Variants in ACACA observed in about 807,000 individuals in gnomAD.
ACACA encodes the protein acetyl-CoA carboxylase 1.
A neutral mutation model predicts 296.1 loss-of-function variants in ACACA; 103 were observed. The ratio of observed to expected loss-of-function variants is 0.35; its 90% confidence interval spans 0.30 to 0.41. The LOEUF is 0.41. ACACA is among the 10% of genes least tolerant of loss of function. The pLI is 1.00. For synonymous variants in ACACA, 953 were observed against 1,038.6 expected, an observed-to-expected ratio of 0.92 and a Z score of 1.58; for missense variants, 1,554 against 2,989.7, an observed-to-expected ratio of 0.52 and a Z score of 11.20.
chr17:37,182,197 T>A (rs538625615), intron 39 of ACACA, among the ~76,000 whole-genome samples: 4 of 152,234 alleles, frequency 2.6e-5, no homozygotes. Flanking sequence ...ACTTCATAAG[T>A]ATTACTAGCT....
intron 5 of ACACA, among the ~76,000 whole-genome samples, chr17:37,278,751 T>C (rs542904107): frequency 6.6e-6 from 1 of 152,332 alleles, no homozygotes; most frequent in Non-Finnish European, 1.5e-5. Context: ...AAATGATGGC[T>C]TGGAGGAGTT....
intron 25 of ACACA, among the ~76,000 whole-genome samples, chr17:37,231,486 TATTCA>T (rs2145806977): frequency 6.6e-6 from 1 of 152,340 alleles, no homozygotes; most frequent in South Asian, 2.1e-4. Context: ...ATATCACCCT[TATTCA>T]GTGAATGTGG....
intron 3 of ACACA, among the ~76,000 whole-genome samples, chr17:37,290,209 G>A (rs908363359): frequency 7.2e-5 from 11 of 152,056 alleles, no homozygotes; most frequent in Non-Finnish European, 1.5e-5. Context: ...CACCACGCTC[G>A]ACTAATTTTT....
In ACACA at chr17:37,330,269, T is replaced by C. The variant is rs980360196; in HGVS notation, c.242A>G (p.Glu81Gly). ...SNLVKLDLLEEKEGSLSPASV... is the reference protein window; with the variant it reads ...SNLVKLDLLEGKEGSLSPASV... ...AGCAGGTGACAAGGAGCCCTCCTTC[T>C]CCTCCAGTAGGTCCAACTTCACCAG... The change falls in exon 3 of 56, where the codon GAG (glutamate) becomes GGG (glycine). Residue 81 changes from glutamate (E) to glycine (G), a missense_variant. Physicochemically the swap from Glu to Gly is moderately conservative, Grantham distance 98 (BLOSUM62 -2). This residue lies in a region of ACACA where 140 missense variants were observed against 147.7 expected (regional missense o/e 0.95). Transcript: ENST00000616317. 6 of 1,614,076 alleles carry C rather than the reference T, an allele frequency of 3.7e-6. No homozygotes were observed. The highest frequency in any genetic ancestry group is 5.1e-6 in the Non-Finnish European group (6 of 1,180,042).
intron 35 of ACACA, among the ~76,000 whole-genome samples, chr17:37,198,554 G>C (rs888714599): frequency 2.6e-5 from 4 of 152,218 alleles, no homozygotes; most frequent in Admixed American, 2.6e-4. Context: ...CTAAGCTCCT[G>C]ATTTTTCTTC....
chr17:37,350,806 T>C (rs2048864625), intron 1 of ACACA, among the ~76,000 whole-genome samples: 1 of 151,316 alleles, frequency 6.6e-6, no homozygotes. Context: ...GCCATTGTAC[T>C]CCAACGTACA....
chr17:37,374,552 G>T (rs545860809), intron 1 of ACACA, among the ~76,000 whole-genome samples: 1 of 152,274 alleles, frequency 6.6e-6, no homozygotes, highest in East Asian at 1.9e-4. Context: ...CACCCAAAGT[G>T]CTGGGATTAC....
chr17:37,366,533 A>AT (rs1014884261), intron 1 of ACACA, among the ~76,000 whole-genome samples: 1 of 149,912 alleles, frequency 6.7e-6, no homozygotes, highest in African/African-American at 2.5e-5. Flanking sequence ...CAGTGGCACG[A>AT]TATCAGCTCA....
chr17:37,151,322 A>T lies in ACACA; in HGVS notation c.5547T>A (p.Asn1849Lys). 1 of 1,614,042 alleles carries T rather than the reference A, an allele frequency of 6.2e-7. No individual in the cohort carries two copies. Among genetic ancestry groups the T allele is most frequent in the Non-Finnish European group, 8.5e-7 (1 of 1,179,968 alleles). Reference protein sequence around the residue: ...MIAGESSLAYNEIITISLVTC... With the variant: ...MIAGESSLAYKEIITISLVTC... ...TTACCAGGCTGATGGTAATGATCTC[A>T]TTATAGGCCAATGAGGATTCTCCAG... Residue 1849 changes from asparagine (N) to lysine (K), a missense_variant, in exon 44 of 56, where the codon AAT becomes AAA. Physicochemically the swap from Asn to Lys is moderately conservative, Grantham distance 94. This residue lies in a region of ACACA where 553 missense variants were observed against 1,043.6 expected (regional missense o/e 0.53). Transcript: ENST00000616317.
chr17:37,389,121 C>T, intron 1 of ACACA: 1 of 1,269,790 alleles, frequency 7.9e-7, no homozygotes, highest in Non-Finnish European at 1.1e-6. Flanking sequence ...AAGGATAGGT[C>T]CAATAGGACT....
At chr17:37,351,760 C>T (rs563072926) in intron 1 of ACACA, among the ~76,000 whole-genome samples, 2 of 152,232 alleles carry the variant, frequency 1.3e-5, no homozygotes, top group African/African-American at 2.4e-5. Context: ...GCTATGTTAA[C>T]GAGGCTGGTC....
intron 1 of ACACA, among the ~76,000 whole-genome samples, chr17:37,340,260 G>T (rs1360292419): frequency 6.6e-6 from 1 of 152,212 alleles, no homozygotes; most frequent in Admixed American, 6.5e-5. Flanking sequence ...TACACACAAA[G>T]ATTGGGAGCC....
At position 37,379,345 on chromosome 17, in the gene ACACA, A is replaced by G. The variant is rs528752925; in HGVS notation, c.38+26917T>C. On this transcript the variant is annotated intron_variant, in intron 1 of 55. Transcript: ENST00000616317. ...CCTCAAGCTGTCACCTAATCCCCAC[A>G]TCCAAGTTTCAGACTGGATCTCTTC... 73 of 1,613,948 alleles carry G rather than the reference A, an allele frequency of 4.5e-5. No homozygotes were observed. The East Asian group carries it at 1.4e-3, about 32-fold the overall frequency.
rs1189073560 is a variant in ACACA, at chr17:37,085,034, GA to G, written c.*2281del. The G allele has an allele frequency of 2.6e-5, 4 of 152,724 alleles. No individual in the cohort carries two copies. The highest frequency in any genetic ancestry group is 5.9e-5 in the Non-Finnish European group (4 of 68,076). 9.5% of individuals were successfully genotyped at this position (152,724 alleles called of 1,614,324 possible). On this transcript the variant is annotated 3_prime_UTR_variant, in exon 56 of 56. Transcript: ENST00000616317. ...GGTTTATTTCAACAAAATGTGTAAA[GA>G]GTGCATCTGAAGCTCCTGCTCATCA...
rs73982264 is a variant in ACACA, at chr17:37,199,882, A to T, written c.4158+257T>A. Among the ~76,000 whole-genome samples the T allele has an allele frequency of 8.5e-3, 1,293 of 151,632 alleles. 12 individuals carry two copies. The highest frequency in any genetic ancestry group is 0.021 in the African/African-American group (865 of 41,384). Reference sequence around the variant, plus strand: ...ACACTTGATATAAGAATTAAAAAAAATTTTTTTTTAATTAATAGAGGACTG... The same window carrying T: ...ACACTTGATATAAGAATTAAAAAAATTTTTTTTTTAATTAATAGAGGACTG... On this transcript the variant is annotated intron_variant, in intron 35 of 55. Coordinates refer to ENST00000616317, the MANE Select transcript of ACACA (RefSeq NM_198834.3).
At chr17:37,329,953 C>T (rs1355028944) in intron 3 of ACACA, among the ~76,000 whole-genome samples, 5 of 150,512 alleles carry the variant, frequency 3.3e-5, no homozygotes, top group South Asian at 2.1e-4. Flanking sequence ...AAAACAAAAA[C>T]AAAAACAAAA....
chr17:37,348,972 G>T, intron 1 of ACACA, among the ~76,000 whole-genome samples: 1 of 151,334 alleles, frequency 6.6e-6, no homozygotes, highest in East Asian at 1.9e-4. Context: ...AAACACCAAT[G>T]CAATAACTGA....
At chr17:37,155,586 T>C (rs2076208713) in intron 43 of ACACA, 97 bp downstream of exon 43, 2 of 845,230 alleles carry the variant, frequency 2.4e-6, no homozygotes, top group Admixed American at 3.4e-5. Flanking sequence ...ATCTTCAATG[T>C]TCTTCAAGGT....
At chr17:37,140,193 C>T (rs557394689) in intron 45 of ACACA, among the ~76,000 whole-genome samples, 1 of 152,098 alleles carries the variant, frequency 6.6e-6, no homozygotes, top group Non-Finnish European at 1.5e-5. Flanking sequence ...TTTGAGGATC[C>T]TCCCACTCTC....
Sources: allele counts gnomAD v4.1 joint callset (sites outside exome capture counted in the v4.1 genomes callset), GRCh38; gene constraint gnomAD v4.1.1; regional missense constraint gnomAD v4.1.1; transcripts MANE v1.5; gene names NCBI Gene and HGNC (gene_info 2026-07-23, HGNC 2026-07-21).